The following BBOX1 variants were observed in gnomAD, a reference collection of about 807,000 sequenced individuals.
BBOX1 encodes gamma-butyrobetaine dioxygenase.
In BBOX1, 35 loss-of-function variants were observed where a neutral mutation model predicts 41.6. That is an observed-to-expected ratio of 0.84 (90% confidence interval 0.64 to 1.11). The LOEUF is 1.11. Ranked by LOEUF, BBOX1 falls within the 50% of genes most tolerant of loss-of-function variation. BBOX1 has a pLI of 0.00. For synonymous variants in BBOX1, 163 were observed against 154.7 expected (o/e 1.05, Z -0.40); for missense variants, 458 against 460.6 (o/e 0.99, Z 0.05).
At chr11:27,074,110 C>T (rs1389873895) in intron 4 of BBOX1, among the ~76,000 whole-genome samples, 1 of 151,976 alleles carries the variant, frequency 6.6e-6, no homozygotes, top group Admixed American at 6.6e-5. Context: ...TCTCTCCTGA[C>T]ACCATGTGAA....
chr11:27,074,008 C>T (rs1055775718), intron 4 of BBOX1, among the ~76,000 whole-genome samples: 1 of 152,022 alleles, frequency 6.6e-6, no homozygotes, highest in Non-Finnish European at 1.5e-5. Context: ...CACATATATA[C>T]ATGTGTAACA....
In BBOX1 at chr11:27,127,432, G is replaced by A; in HGVS notation, c.1143G>A (p.Gln381=). ...VVMSRLRILR[Q]RVENGN ...TGTCAAGGCTTCGTATCTTAAGGCA[G>A]AGGGTGGAGAATGGAAACTGAAGTC... The change falls in exon 9 of 9, where the codon CAG becomes CAA. Residue 381 remains glutamine (Q), a synonymous_variant. Coordinates refer to ENST00000263182, the MANE Select transcript of BBOX1 (RefSeq NM_003986.3). 6.2e-7 allele frequency: 1 copy of A among 1,607,568 alleles called. No individual in the cohort carries two copies.
At chr11:27,054,988 G>T (rs1856935555) in intron 2 of BBOX1, among the ~76,000 whole-genome samples, 1 of 152,180 alleles carries the variant, frequency 6.6e-6, no homozygotes, top group East Asian at 1.9e-4. Context: ...GTCCAAGTGG[G>T]CACCAGTTAA....
intron 5 of BBOX1, among the ~76,000 whole-genome samples, chr11:27,106,526 A>G (rs1430440613): frequency 6.6e-6 from 1 of 152,200 alleles, no homozygotes; most frequent in Non-Finnish European, 1.5e-5. Flanking sequence ...GATCAATTGA[A>G]CAAGAACTAA....
At position 27,127,671 on chromosome 11, in the gene BBOX1, C is replaced by A; in HGVS notation, c.*218C>A. ...TTGCAAATAAAGCATCCTTTCTGCTCTGTTGCATGCCTGCTCTAATTTCTT... is the reference window on the plus strand; with the variant it reads ...TTGCAAATAAAGCATCCTTTCTGCTATGTTGCATGCCTGCTCTAATTTCTT... On this transcript the variant is annotated 3_prime_UTR_variant, in exon 9 of 9. Coordinates refer to ENST00000263182, the MANE Select transcript of BBOX1 (RefSeq NM_003986.3). 1 of 509,944 alleles carries A rather than the reference C, an allele frequency of 2.0e-6. No individual in the cohort carries two copies. Among genetic ancestry groups the A allele is most frequent in the Non-Finnish European group, 3.3e-6 (1 of 298,568 alleles). 31.6% of individuals were successfully genotyped at this position (509,944 alleles called of 1,614,324 possible). A position where few individuals can be genotyped will look rare whatever the true frequency, so the allele number is the denominator to read the frequency against.
chr11:27,063,697 C>T (rs1857200439), intron 4 of BBOX1, among the ~76,000 whole-genome samples: 1 of 151,876 alleles, frequency 6.6e-6, no homozygotes, highest in South Asian at 2.1e-4. Flanking sequence ...ATTCTTTATG[C>T]CTCTCTCATG....
At chr11:27,076,258 C>G (rs11029825) in intron 4 of BBOX1, among the ~76,000 whole-genome samples, 1 of 152,188 alleles carries the variant, frequency 6.6e-6, no homozygotes, top group Non-Finnish European at 1.5e-5. Flanking sequence ...AGCACTAGCT[C>G]TGGTGGAGAT....
At chr11:27,050,233 C>A (rs931060440) in intron 2 of BBOX1, among the ~76,000 whole-genome samples, 2 of 152,086 alleles carry the variant, frequency 1.3e-5, no homozygotes, top group East Asian at 3.9e-4. Flanking sequence ...ATTCCAATAC[C>A]ATGCTGTTTT....
rs139159131 is a variant in BBOX1, at chr11:27,067,311, G to A, written c.334+9996G>A. Among the ~76,000 whole-genome samples the A allele has an allele frequency of 1.5e-4, 23 of 151,824 alleles. No individual in the cohort carries two copies. The East Asian group carries it at 3.7e-3, about 24-fold the overall frequency. ...CAGTGGTGGAGTCTGAGGTTTTAGCGCACCCGTCACCCAAGTAGTGTACGT... is the reference window on the plus strand; with the variant it reads ...CAGTGGTGGAGTCTGAGGTTTTAGCACACCCGTCACCCAAGTAGTGTACGT... On this transcript the variant is annotated intron_variant, in intron 4 of 8. Transcript: ENST00000263182.
intron 2 of BBOX1, among the ~76,000 whole-genome samples, chr11:27,045,596 T>C (rs934736602): frequency 6.6e-6 from 1 of 152,166 alleles, no homozygotes; most frequent in Non-Finnish European, 1.5e-5. Flanking sequence ...TATTTTGATA[T>C]ATATTCCTTC....
rs1246330801 is a variant in BBOX1 at position 27,055,490 on chromosome 11, C to G, written c.60C>G (p.Leu20=). 1.2e-6 allele frequency: 2 copies of G among 1,614,040 alleles called. No homozygotes were observed. The highest frequency in any genetic ancestry group is 2.7e-5 in the African/African-American group (2 of 74,934). ...ALDGAHLMQI[L]WYDEEESLYP... ...ACGGGGCTCATTTGATGCAGATCCT[C>G]TGGTATGATGAGGAAGAGTCTCTCT... The change falls in exon 3 of 9, where the codon CTC becomes CTG. Residue 20 remains leucine, a synonymous_variant. Coordinates refer to ENST00000263182, the MANE Select transcript of BBOX1 (RefSeq NM_003986.3).
At chr11:27,111,677 CT>C (rs1859069130) in intron 5 of BBOX1, among the ~76,000 whole-genome samples, 1 of 150,928 alleles carries the variant, frequency 6.6e-6, no homozygotes, top group Non-Finnish European at 1.5e-5. Flanking sequence ...TAGTTTAATA[CT>C]TTTTCATAAA....
At chr11:27,078,830 T>G (rs974114775) in intron 4 of BBOX1, among the ~76,000 whole-genome samples, 9 of 152,166 alleles carry the variant, frequency 5.9e-5, no homozygotes, top group African/African-American at 2.2e-4. Context: ...TTCTGTGAAC[T>G]TGACTTAGTT....
chr11:27,081,147 C>G, intron 4 of BBOX1, among the ~76,000 whole-genome samples: 1 of 152,146 alleles, frequency 6.6e-6, no homozygotes, highest in East Asian at 1.9e-4. Flanking sequence ...AGCCTTTATT[C>G]TCATCTCTAT....
intron 5 of BBOX1, among the ~76,000 whole-genome samples, chr11:27,093,731 T>C (rs1271049513): frequency 1.3e-5 from 2 of 152,004 alleles, no homozygotes; most frequent in African/African-American, 4.8e-5. Flanking sequence ...AGGGTTGGTT[T>C]CTGATGAGGC....
chr11:27,089,153 T>C (rs1188086909), intron 4 of BBOX1, among the ~76,000 whole-genome samples: 1 of 151,496 alleles, frequency 6.6e-6, no homozygotes, highest in Non-Finnish European at 1.5e-5. Context: ...ACCTATCTAG[T>C]GCAGTACCAG....
intron 5 of BBOX1, among the ~76,000 whole-genome samples, chr11:27,112,972 C>A (rs1394500695): frequency 6.6e-6 from 1 of 151,754 alleles, no homozygotes; most frequent in Non-Finnish European, 1.5e-5. Flanking sequence ...AACAAACAAC[C>A]CCATTAATAA....
chr11:27,101,684 A>T lies in BBOX1; in HGVS notation c.533+8318A>T, dbSNP rs150771834. On this transcript the variant is annotated intron_variant, in intron 5 of 8. Transcript: ENST00000263182. ...CTTTAAAAATAAATGTACAACAAAG[A>T]TTTCTTTTTTTATTTTATTTTTAAA... Among the ~76,000 whole-genome samples the T allele has an allele frequency of 1.2e-3, 185 of 152,126 alleles. 3 individuals are homozygous for T. In the East Asian group the frequency reaches 0.029, roughly 23 times the overall value.
intron 5 of BBOX1, among the ~76,000 whole-genome samples, chr11:27,096,119 G>C (rs186035728): frequency 6.6e-6 from 1 of 152,086 alleles, no homozygotes; most frequent in Admixed American, 6.6e-5. Flanking sequence ...GACTTCAATA[G>C]AAGTCAGGTC....
Sources: allele counts gnomAD v4.1 joint callset (sites outside exome capture counted in the v4.1 genomes callset), GRCh38; gene constraint gnomAD v4.1.1; transcripts MANE v1.5; gene names NCBI Gene and HGNC (gene_info 2026-07-23, HGNC 2026-07-21).